The following ACTL6A variants were observed in gnomAD, a reference collection of about 807,000 sequenced individuals.
ACTL6A encodes the protein actin-like protein 6A.
In ACTL6A, 5 loss-of-function variants were observed where a neutral mutation model predicts 59.2. The ratio of observed to expected loss-of-function variants is 0.08; its 90% CI spans 0.04 to 0.18. ACTL6A has a LOEUF of 0.18. Ranked by LOEUF, ACTL6A falls within the 10% of genes least tolerant of loss-of-function variation. ACTL6A has a pLI of 1.00. For synonymous variants in ACTL6A, 154 were observed against 171.8 expected (o/e 0.90, Z 0.81); for missense variants, 285 against 526.9 (o/e 0.54, Z 4.49).
chr3:179,566,099 T>G (rs16830587), intron 1 of ACTL6A, among the ~76,000 whole-genome samples: 13,619 of 152,068 alleles, frequency 0.09, 653 homozygotes, highest in South Asian at 0.17. Flanking sequence ...GGACTGGTGG[T>G]CAGCAATGTG....
chr3:179,568,624 CT>C (rs898191664), intron 1 of ACTL6A, among the ~76,000 whole-genome samples: 8 of 151,304 alleles, frequency 5.3e-5, no homozygotes, highest in Non-Finnish European at 1.2e-4. Flanking sequence ...ACTAAGCATT[CT>C]TTTAGATTTA....
chr3:179,574,610 C>T (rs1718111160), intron 5 of ACTL6A, 143 bp downstream of exon 5: 5 of 669,230 alleles, frequency 7.5e-6, no homozygotes, highest in Non-Finnish European at 1.1e-5. Flanking sequence ...AGCTATTCAT[C>T]TTTTAGTATT....
chr3:179,587,634 G>C (rs1718545255), intron 13 of ACTL6A, among the ~76,000 whole-genome samples: 1 of 152,048 alleles, frequency 6.6e-6, no homozygotes, highest in African/African-American at 2.4e-5. Flanking sequence ...AGCACTTTGG[G>C]AGGCTGAGGC....
At chr3:179,581,355 T>C (rs1467047301) in intron 11 of ACTL6A, 135 bp downstream of exon 11, 2 of 727,522 alleles carry the variant, frequency 2.7e-6, no homozygotes, top group African/African-American at 1.8e-5. Context: ...TAACAGTATA[T>C]GTAAAAAGAT....
At chr3:179,578,627 A>C (rs1013943878) in intron 8 of ACTL6A, among the ~76,000 whole-genome samples, 3 of 152,164 alleles carry the variant, frequency 2.0e-5, no homozygotes, top group African/African-American at 7.2e-5. Flanking sequence ...CAAAAAAGAA[A>C]AAAAAACAAA....
chr3:179,569,644 G>A (rs1256326416), intron 1 of ACTL6A, among the ~76,000 whole-genome samples, 180 bp from the exon 2 acceptor site: 4 of 152,126 alleles, frequency 2.6e-5, no homozygotes, highest in Admixed American at 1.3e-4. Flanking sequence ...AGTCCAGCCT[G>A]GGCAACATAG....
chr3:179,584,075 A>C (rs1718412045), intron 12 of ACTL6A, among the ~76,000 whole-genome samples: 1 of 152,188 alleles, frequency 6.6e-6, no homozygotes, highest in African/African-American at 2.4e-5. Flanking sequence ...AGTGGCTTCA[A>C]ACAACAGAAA....
chr3:179,576,729 A>G lies in ACTL6A; in HGVS notation c.678+3A>G, dbSNP rs1718177406. On this transcript the variant is annotated splice_donor_region_variant and intron_variant, in intron 7 of 13. Coordinates refer to ENST00000429709, the MANE Select transcript of ACTL6A (RefSeq NM_004301.5). ...CTCCATATATGATTGCATCAAAAGT[A>G]AGTAATTATTGAATTTTCTTTGTAG... is the stretch of plus-strand genomic sequence containing the variant. 23 of 1,611,576 alleles carry G rather than the reference A, an allele frequency of 1.4e-5. No homozygotes were observed. The highest frequency in any genetic ancestry group is 2.0e-5 in the Non-Finnish European group (23 of 1,177,718).
intron 5 of ACTL6A, chr3:179,574,675 A>T (rs919025918): frequency 1.3e-5 from 6 of 456,308 alleles, no homozygotes; most frequent in African/African-American, 8.0e-5. Flanking sequence ...AATAACACTC[A>T]AATTCTGAGT....
At chr3:179,565,440 T>G (rs1287838796) in intron 1 of ACTL6A, among the ~76,000 whole-genome samples, 3 of 149,768 alleles carry the variant, frequency 2.0e-5, no homozygotes, top group East Asian at 1.9e-4. Context: ...ATATGTGTGT[T>G]ATATATGTTA....
chr3:179,563,029 G>A lies in ACTL6A; in HGVS notation c.-64G>A. On this transcript the variant is annotated 5_prime_UTR_variant, in exon 1 of 14. Coordinates refer to ENST00000429709, the MANE Select transcript of ACTL6A (RefSeq NM_004301.5). ...GGGCTATCGCTCCTCGAGACTCGCA[G>A]TCGCGGCCACTGCAGTCACTTCGCC... The A allele has an allele frequency of 6.3e-7, 1 of 1,594,334 alleles. No individual in the cohort carries two copies. The highest frequency in any genetic ancestry group is 1.1e-5 in the South Asian group (1 of 89,442).
At chr3:179,565,399 T>C (rs1004735476) in intron 1 of ACTL6A, among the ~76,000 whole-genome samples, 6 of 148,820 alleles carry the variant, frequency 4.0e-5, no homozygotes, top group Non-Finnish European at 8.9e-5. Context: ...AGCGAGACTC[T>C]ATCCTAAAAA....
At chr3:179,577,012 G>T in intron 8 of ACTL6A, 99 bp downstream of exon 8, 2 of 775,950 alleles carry the variant, frequency 2.6e-6, no homozygotes, top group Non-Finnish European at 4.0e-6. Flanking sequence ...GTAAAATATG[G>T]GCACTTTATA....
chr3:179,573,973 T>TA (rs1718092443), intron 4 of ACTL6A, among the ~76,000 whole-genome samples: 1 of 152,218 alleles, frequency 6.6e-6, no homozygotes, highest in Non-Finnish European at 1.5e-5. Context: ...GTTACTAACT[T>TA]ACAGTATTCT....
chr3:179,576,142 A>G (rs1390003484), intron 5 of ACTL6A, 75 bp from the exon 6 acceptor site: 4 of 1,048,896 alleles, frequency 3.8e-6, no homozygotes, highest in African/African-American at 1.6e-5. Context: ...CTGAAACATT[A>G]TAAGAGCCTG....
At position 179,580,518 on chromosome 3, in the gene ACTL6A, G is replaced by C. The variant is rs1718304577; in HGVS notation, c.769-122G>C. On this transcript the variant is annotated intron_variant, in intron 8 of 13. Transcript: ENST00000429709. The stretch of plus-strand genomic sequence containing the variant: ...TTAGGTACATTTATACTCTTGAAAT[G>C]ATTTACCCATCTAGAAACATGGTCC... The C allele has an allele frequency of 4.5e-6, 3 of 661,346 alleles. No homozygotes were observed. The East Asian group carries it at 8.8e-5, about 19-fold the overall frequency. 41.0% of individuals were successfully genotyped at this position (661,346 alleles called of 1,614,324 possible).
intron 1 of ACTL6A, among the ~76,000 whole-genome samples, chr3:179,567,538 C>T (rs1285444318): frequency 1.3e-5 from 2 of 152,106 alleles, no homozygotes; most frequent in Non-Finnish European, 2.9e-5. Flanking sequence ...GGGCTCCTGG[C>T]GCAGGGCAAA....
At chr3:179,563,611 G>A (rs947292615) in intron 1 of ACTL6A, among the ~76,000 whole-genome samples, 4 of 152,204 alleles carry the variant, frequency 2.6e-5, no homozygotes, top group African/African-American at 9.6e-5. Context: ...TCAAGCCGTA[G>A]AACTGACTAG....
At chr3:179,563,687 C>G (rs983810705) in intron 1 of ACTL6A, among the ~76,000 whole-genome samples, 3 of 152,252 alleles carry the variant, frequency 2.0e-5, no homozygotes, top group African/African-American at 7.2e-5. Flanking sequence ...GCTGCCTCAC[C>G]TTTCAGTAAC....
Sources: gnomAD v4.1 joint callset for allele counts (sites outside exome capture counted in the v4.1 genomes callset) on GRCh38, gnomAD v4.1.1 for gene constraint, MANE v1.5 for transcripts, NCBI Gene and HGNC (gene_info 2026-07-23, HGNC 2026-07-21) for gene names.